Variants in KANK2 observed in about 807,000 individuals in gnomAD.
KANK2 encodes KN motif and ankyrin repeat domains 2, also known as KN motif and ankyrin repeat domain-containing protein 2.
Under a neutral mutation model 74.6 loss-of-function variants are expected in KANK2, and 41 were observed. The ratio of observed to expected loss-of-function variants is 0.55; its 90% CI spans 0.43 to 0.71. KANK2 has a LOEUF of 0.71. KANK2 is among the 30% of genes least tolerant of loss of function. The pLI is 0.00. For missense variants in KANK2, 1,148 were observed against 1,196.4 expected, an observed-to-expected ratio of 0.96 and a Z score of 0.60; for synonymous variants, 537 against 519.0, an observed-to-expected ratio of 1.03 and a Z score of -0.47.
intron 12 of KANK2, among the ~76,000 whole-genome samples, chr19:11,168,836 C>T (rs1038196643): frequency 6.6e-6 from 1 of 152,200 alleles, no homozygotes. Context: ...TATGAAGGTT[C>T]AGCAAGCAGC....
rs1452008505 is a variant in KANK2, at chr19:11,193,597, G to A, written c.483C>T (p.Gly161=). 11 of 1,584,318 alleles carry A rather than the reference G, an allele frequency of 6.9e-6. No individual in the cohort carries two copies. The highest frequency in any genetic ancestry group is 1.1e-5 in the South Asian group (1 of 88,320). Residue 161 remains glycine (G), a synonymous_variant, in exon 4 of 13, where the codon GGC becomes GGT. Coordinates refer to ENST00000586659, the MANE Select transcript of KANK2 (RefSeq NM_001136191.3). This position sits in a 1 kb window ranked among gnomAD's most constrained non-coding sequence, Gnocchi z 9.6. The part of the protein sequence containing the change: ...SAAGSTASLV[G]VGLPPPTPRS... ...GTGGTGTCGGGGGTGGCAACCCCAC[G>A]CCCACCAGGGAGGCTGTCGAGCCGG...
In KANK2 at chr19:11,178,425, T is replaced by C. The variant is rs1299349795; in HGVS notation, c.1440A>G (p.Arg480=). 1 of 1,595,218 alleles carries C rather than the reference T, an allele frequency of 6.3e-7. No homozygotes were observed. The highest frequency in any genetic ancestry group is 1.8e-5 in the Admixed American group (1 of 55,574). The change falls in exon 6 of 13, where the codon CGA becomes CGG. Residue 480 remains arginine (R), a synonymous_variant. Transcript: ENST00000586659. ...CCTCCTCTTTCCGTTTCATGATAGA[T>C]CGCACGCCTGCCGGGGGCCCGCCTG... ...GGTGGPPAGV[R]SIMKRKEEVA...
At position 11,193,101 on chromosome 19, in the gene KANK2, C is replaced by A. The variant is rs377628737; in HGVS notation, c.979G>T (p.Val327Leu). 6.2e-7 allele frequency: 1 copy of A among 1,606,970 alleles called. No individual in the cohort carries two copies. Among genetic ancestry groups the A allele is most frequent in the African/African-American group, 1.3e-5 (1 of 74,766 alleles). The change falls in exon 4 of 13, where the codon GTG becomes TTG. Residue 327 changes from valine to leucine, a missense_variant. By Grantham distance (32) the Val-to-Leu change is conservative. Coordinates refer to ENST00000586659, the MANE Select transcript of KANK2 (RefSeq NM_001136191.3). This position sits in a 1 kb window ranked among gnomAD's most constrained non-coding sequence, Gnocchi z 9.6. ...CCTTCTACCACCCGGACTGTATCCA[C>A]GCGGACCGGGCTGTCCGGCGGTGGC... ...AWPPPDSPVR[V>L]DTVRVVEGPR... is the part of the protein sequence containing the mutation.
chr19:11,197,716 A>C (rs1205850355), upstream of KANK2: 1 of 151,982 alleles, frequency 6.6e-6, no homozygotes, highest in East Asian at 1.9e-4. Flanking sequence ...CCTGGACAGC[A>C]GGTGTGTGTG....
chr19:11,171,066 C>T (rs1029943988), intron 10 of KANK2, among the ~76,000 whole-genome samples: 1 of 152,114 alleles, frequency 6.6e-6, no homozygotes, highest in African/African-American at 2.4e-5. Context: ...GTGATCCGCC[C>T]GCCTAGGTTT....
intron 10 of KANK2, among the ~76,000 whole-genome samples, chr19:11,172,093 A>G (rs1182628834): frequency 6.8e-6 from 1 of 147,892 alleles, no homozygotes; most frequent in African/African-American, 2.5e-5. Context: ...CTCCTGCCTC[A>G]GCCTCCCGAG....
chr19:11,175,427 C>CAA (rs753933217), intron 8 of KANK2, among the ~76,000 whole-genome samples: 331 of 14,914 alleles, frequency 0.022, 26 homozygotes, highest in Non-Finnish European at 0.026. Context: ...GACTCCCTCT[C>CAA]AAAAAAAAAA....
At position 11,185,186 on chromosome 19, in the gene KANK2, G is replaced by A. The variant is rs962889964; in HGVS notation, c.1250-6466C>T. Among the ~76,000 whole-genome samples the A allele has an allele frequency of 6.1e-5, 9 of 147,772 alleles. 2 individuals are homozygous for A. The highest frequency in any genetic ancestry group is 1.4e-4 in the Non-Finnish European group (9 of 66,446). On this transcript the variant is annotated intron_variant, in intron 4 of 12. Transcript: ENST00000586659. ...TGTAATCCCAGCACTTTGGGGGGCC[G>A]AGGTGGGTGGATCGCTTGAGCCCAG...
In KANK2 at chr19:11,193,018, G is replaced by C. The variant is rs140210504; in HGVS notation, c.1062C>G (p.Ala354=). 5.0e-6 allele frequency: 8 copies of C among 1,613,108 alleles called. No individual in the cohort carries two copies. In the African/African-American group the frequency reaches 6.7e-5, roughly 13 times the overall value. ...CTGTGCCGTAAGGCTCCAGGCTCTG[G>C]GCCCGCTGTGCGGGGGCGCCAGCGG... ...STAAGAPAQR[A]QSLEPYGTGL... Residue 354 remains alanine (A), a synonymous_variant, in exon 4 of 13, where the codon GCC becomes GCG. Coordinates refer to ENST00000586659, the MANE Select transcript of KANK2 (RefSeq NM_001136191.3). The surrounding 1 kb of genome is among the most constrained non-coding windows in gnomAD (Gnocchi z 9.6).
chr19:11,192,718 C>G (rs766404783), intron 4 of KANK2, 113 bp downstream of exon 4: 2 of 1,328,304 alleles, frequency 1.5e-6, no homozygotes, highest in Non-Finnish European at 1.1e-6. Flanking sequence ...TACAGGCATG[C>G]GCCACCGCAC....
At chr19:11,182,480 AGCACTGCTGCAC>A (rs1189448722) in intron 4 of KANK2, among the ~76,000 whole-genome samples, 1 of 151,608 alleles carries the variant, frequency 6.6e-6, no homozygotes, top group Non-Finnish European at 1.5e-5. Context: ...GAGCTATGAC[AGCACTGCTGCAC>A]TCCAGCCTGG....
At chr19:11,190,717 T>A (rs916430772) in intron 4 of KANK2, among the ~76,000 whole-genome samples, 1 of 150,868 alleles carries the variant, frequency 6.6e-6, no homozygotes, top group Non-Finnish European at 1.5e-5. Flanking sequence ...CCTGACCATG[T>A]TTCCAGAAGA....
chr19:11,195,709 ACG>A lies in KANK2; in HGVS notation c.-169_-168del, dbSNP rs1389306328. On this transcript the variant is annotated 5_prime_UTR_variant, in exon 2 of 13. The change creates a new upstream start codon in the 5' untranslated region. Coordinates refer to ENST00000586659, the MANE Select transcript of KANK2 (RefSeq NM_001136191.3). ...TCTCCACGTCTCTCTGTGTCTCTCC[ACG>A]TCTCTGTCTCTCTGCGTCTCTCTCC... The A allele has an allele frequency of 9.4e-6, 1 of 106,100 alleles. No homozygotes were observed. The highest frequency in any genetic ancestry group is 1.9e-5 in the Non-Finnish European group (1 of 51,628). The allele number at this position is 106,100 out of a possible 1,614,324, so 6.6% of individuals were successfully genotyped here. A position where few individuals can be genotyped will look rare whatever the true frequency, so the allele number is the denominator to read the frequency against.
At position 11,193,064 on chromosome 19, in the gene KANK2, A is replaced by T; in HGVS notation, c.1016T>A (p.Val339Glu). The T allele has an allele frequency of 6.2e-7, 1 of 1,609,296 alleles. No individual in the cohort carries two copies. The highest frequency in any genetic ancestry group is 1.1e-5 in the South Asian group (1 of 90,778). ...AGCGGCTGTGCTGGCCACCACCTCC[A>T]CCTCCCGTGGCCCTTCTACCACCCG... ...TVRVVEGPRE[V>E]EVVASTAAGA... Residue 339 changes from valine (V) to glutamate (E), a missense_variant, in exon 4 of 13, where the codon GTG becomes GAG. By Grantham distance (121) the Val-to-Glu change is moderately radical. Coordinates refer to ENST00000586659, the MANE Select transcript of KANK2 (RefSeq NM_001136191.3). This position sits in a 1 kb window ranked among gnomAD's most constrained non-coding sequence, Gnocchi z 9.6.
At position 11,178,379 on chromosome 19, in the gene KANK2, G is replaced by A. The variant is rs767166133; in HGVS notation, c.1486C>T (p.Arg496Trp). The stretch of plus-strand genomic sequence containing the variant: ...ACCCCCACGAACTGGAGGCTCCTCC[G>A]GTGGGCCGTGGGGTCTGCAACCTCC... ...KEEVADPTAH[R>W]RSLQFVGVNG... The change falls in exon 6 of 13, where the codon CGG becomes TGG. Residue 496 changes from arginine to tryptophan, a missense_variant. Transcript: ENST00000586659. 8.4e-6 allele frequency: 13 copies of A among 1,538,932 alleles called. No individual in the cohort carries two copies. Among genetic ancestry groups the A allele is most frequent in the South Asian group, 2.5e-5 (2 of 79,420 alleles).
intron 4 of KANK2, 43 bp downstream of exon 4, chr19:11,192,788 C>G (rs761658181): frequency 1.9e-6 from 3 of 1,574,746 alleles, no homozygotes; most frequent in Non-Finnish European, 2.6e-6. Context: ...AAGAGGCCCC[C>G]CCCCCCCAAG....
intron 4 of KANK2, among the ~76,000 whole-genome samples, chr19:11,187,654 T>C (rs1463873308): frequency 6.6e-6 from 1 of 152,210 alleles, no homozygotes; most frequent in Non-Finnish European, 1.5e-5. Flanking sequence ...TAAAGTTTTA[T>C]TGGAACGCAG....
In KANK2 at chr19:11,192,504, AG is replaced by A. The variant is rs546579486; in HGVS notation, c.1249+326del. On this transcript the variant is annotated intron_variant, in intron 4 of 12. Transcript: ENST00000586659. ...GGCTGGAGTGCAGTGGTGTAATCTC[AG>A]CTCACTGCAACCTCCGCTTCCCTAG... 1,340 of 333,826 alleles carry A rather than the reference AG, an allele frequency of 4.0e-3. 8 individuals carry two copies. Among genetic ancestry groups the A allele is most frequent in the South Asian group, 4.9e-3 (214 of 43,832 alleles). 20.7% of individuals were successfully genotyped at this position (333,826 alleles called of 1,614,324 possible). A position where few individuals can be genotyped will look rare whatever the true frequency, so the allele number is the denominator to read the frequency against.
Position 11,176,768 on chromosome 19 carries a change from T to C in KANK2, c.1570A>G (p.Asn524Asp), listed in dbSNP as rs1248418956. The change falls in exon 7 of 13, where the codon AAC becomes GAC. Residue 524 changes from asparagine (N) to aspartate (D), a missense_variant. Transcript: ENST00000586659. ...GGGGCCTCGTTCTCTGTGCTGTCGT[T>C]GTCTGAGATGTTCTCTGCTGTGCTG... is the stretch of plus-strand genomic sequence containing the variant. ...DSSTAENISD[N>D]DSTENEAPEP... The C allele has an allele frequency of 1.3e-6, 2 of 1,596,496 alleles. No homozygotes were observed. Among genetic ancestry groups the C allele is most frequent in the Admixed American group, 1.7e-5 (1 of 57,552 alleles).
Sources: gnomAD v4.1 joint callset for allele counts (sites outside exome capture counted in the v4.1 genomes callset) on GRCh38, gnomAD v4.1.1 for gene constraint, Gnocchi (gnomAD v3.1) non-coding constraint, MANE v1.5 for transcripts, NCBI Gene and HGNC (gene_info 2026-07-23, HGNC 2026-07-21) for gene names.